APBA1: variants seen among roughly 807,000 people sequenced by gnomAD.
APBA1 encodes the protein amyloid-beta A4 precursor protein-binding family A member 1.
APBA1 carries 55 observed loss-of-function variants against 86.6 expected under a neutral mutation model. The observed-to-expected ratio is 0.64, with a 90% CI of 0.51 to 0.80. The LOEUF is 0.80. APBA1 is among the 30% of genes least tolerant of loss of function. APBA1 has a pLI of 0.00. For missense variants in APBA1, 1,090 were observed against 1,183.0 expected, an observed-to-expected ratio of 0.92 and a Z score of 1.15; for synonymous variants, 511 against 493.9, an observed-to-expected ratio of 1.03 and a Z score of -0.46.
rs544095083 is a variant in APBA1, at chr9:69,611,112, C to T, written c.-70+61041G>A. On this transcript the variant is annotated intron_variant, in intron 1 of 12. Transcript: ENST00000265381. Reference sequence around the variant, plus strand: ...TTAATGGCTTTACAAATCACAACAGCTTCATGGCAACCAACAATGTAGACA... The same window carrying T: ...TTAATGGCTTTACAAATCACAACAGTTTCATGGCAACCAACAATGTAGACA... Among the ~76,000 whole-genome samples the T allele has an allele frequency of 1.9e-3, 291 of 151,922 alleles. 1 individual carries two copies. The highest frequency in any genetic ancestry group is 6.4e-3 in the African/African-American group (264 of 41,476).
At position 69,440,984 on chromosome 9, in the gene APBA1, T is replaced by C. The variant is rs753049587; in HGVS notation, c.2301+12A>G. ...ACATTGTGGAAAAGGGTGTGGAAGGTGTTCTACTTACAATTCCATTCTGGA... is the reference window on the plus strand; with the variant it reads ...ACATTGTGGAAAAGGGTGTGGAAGGCGTTCTACTTACAATTCCATTCTGGA... On this transcript the variant is annotated intron_variant, in intron 11 of 12. Coordinates refer to ENST00000265381, the MANE Select transcript of APBA1 (RefSeq NM_001163.4). 1 of 1,611,790 alleles carries C rather than the reference T, an allele frequency of 6.2e-7. No homozygotes were observed. The highest frequency in any genetic ancestry group is 1.1e-5 in the South Asian group (1 of 90,628).
chr9:69,654,093 C>T (rs936458906), intron 1 of APBA1, among the ~76,000 whole-genome samples: 4 of 118,740 alleles, frequency 3.4e-5, no homozygotes, highest in Non-Finnish European at 4.8e-5. Flanking sequence ...GCCTCGGCAA[C>T]GAGAGCGAAA....
intron 2 of APBA1, among the ~76,000 whole-genome samples, chr9:69,502,793 C>G (rs2133873659): frequency 6.6e-6 from 1 of 152,222 alleles, no homozygotes; most frequent in African/African-American, 2.4e-5. Context: ...CCTCAGCAAG[C>G]ATCACTCCCA....
chr9:69,552,285 A>T (rs1243693218), intron 1 of APBA1, among the ~76,000 whole-genome samples: 3 of 152,220 alleles, frequency 2.0e-5, no homozygotes, highest in African/African-American at 7.2e-5. Context: ...TATGTCCTCC[A>T]CCTTGCTTGA....
intron 1 of APBA1, among the ~76,000 whole-genome samples, chr9:69,598,600 G>A (rs761483696): frequency 3.6e-4 from 54 of 152,104 alleles, no homozygotes; most frequent in Non-Finnish European, 5.9e-4. Context: ...TCTCCTCTAG[G>A]TCCCTGCATC....
At position 69,431,160 on chromosome 9, in the gene APBA1, A is replaced by G; in HGVS notation, c.*167T>C. 4.0e-6 allele frequency: 2 copies of G among 502,052 alleles called. No individual in the cohort carries two copies. Among genetic ancestry groups the G allele is most frequent in the Middle Eastern group, 3.1e-4 (1 of 3,238 alleles). 31.1% of individuals were successfully genotyped at this position (502,052 alleles called of 1,614,324 possible). A position where few individuals can be genotyped will look rare whatever the true frequency, so the allele number is the denominator to read the frequency against. ...GGTATTGAAAAAAAAAAAAAAAAAA[A>G]AGCAAATCGGAGAGAGTAAAGAGGT... On this transcript the variant is annotated 3_prime_UTR_variant, in exon 13 of 13. Transcript: ENST00000265381.
At chr9:69,493,984 T>C (rs1486966671) in intron 2 of APBA1, among the ~76,000 whole-genome samples, 1 of 152,116 alleles carries the variant, frequency 6.6e-6, no homozygotes, top group African/African-American at 2.4e-5. Context: ...GATAAGTTTT[T>C]TTTTCTTGCC....
intron 2 of APBA1, among the ~76,000 whole-genome samples, chr9:69,477,025 A>T (rs1835459988): frequency 6.6e-6 from 1 of 152,210 alleles, no homozygotes; most frequent in Non-Finnish European, 1.5e-5. Flanking sequence ...ATAGCCAAAC[A>T]TTGTTGTGTG....
chr9:69,672,491 C>A (rs1196982349), upstream of APBA1, among the ~76,000 whole-genome samples: 2 of 147,676 alleles, frequency 1.4e-5, no homozygotes, highest in Non-Finnish European at 3.0e-5. Context: ...CGCGCGCGCA[C>A]GCCGCCTGCT....
At chr9:69,528,879 A>T (rs1836382584) in intron 1 of APBA1, among the ~76,000 whole-genome samples, 1 of 152,110 alleles carries the variant, frequency 6.6e-6, no homozygotes, top group Admixed American at 6.6e-5. Context: ...AAACAGTGAT[A>T]TCAGGCAAAT....
chr9:69,573,914 C>T (rs1403866168), intron 1 of APBA1, among the ~76,000 whole-genome samples: 1 of 152,216 alleles, frequency 6.6e-6, no homozygotes, highest in Non-Finnish European at 1.5e-5. Flanking sequence ...GATATCATTA[C>T]ATTCCTGTTC....
At chr9:69,658,153 A>G (rs937585714) in intron 1 of APBA1, among the ~76,000 whole-genome samples, 5 of 152,096 alleles carry the variant, frequency 3.3e-5, no homozygotes, top group African/African-American at 1.2e-4. Context: ...GGAACAACCT[A>G]ATAGCTCCCT....
intron 2 of APBA1, among the ~76,000 whole-genome samples, chr9:69,492,472 T>C (rs1835730026): frequency 6.6e-6 from 1 of 151,988 alleles, no homozygotes; most frequent in Non-Finnish European, 1.5e-5. Context: ...TATTCACGGG[T>C]AAAATTGAAA....
intron 2 of APBA1, among the ~76,000 whole-genome samples, chr9:69,509,926 T>A (rs1281904181): frequency 1.8e-5 from 2 of 111,126 alleles, no homozygotes; most frequent in East Asian, 2.9e-4. Context: ...TATTTCAAAA[T>A]AATAAGAGCT....
intron 1 of APBA1, among the ~76,000 whole-genome samples, chr9:69,543,208 T>A (rs1388849250): frequency 1.3e-5 from 2 of 152,090 alleles, no homozygotes; most frequent in African/African-American, 2.4e-5. Flanking sequence ...CCCTGGCAGT[T>A]CTTTGAGCCT....
chr9:69,522,052 TACTC>T lies in APBA1; in HGVS notation c.-69-4777_-69-4774del, dbSNP rs563565014. 7.4e-3 allele frequency among the ~76,000 whole-genome samples: 1,102 copies of T among 148,342 alleles called. 9 individuals carry two copies. Among genetic ancestry groups the T allele is most frequent in the African/African-American group, 0.025 (1,022 of 40,248 alleles). On this transcript the variant is annotated intron_variant, in intron 1 of 12. Transcript: ENST00000265381. The stretch of plus-strand genomic sequence containing the variant: ...TCCCTTTCTCTCTCCGTCTCACACA[TACTC>T]ACACCATTTTATACACACACACACA...
chr9:69,482,309 A>G (rs1835525678), intron 2 of APBA1, among the ~76,000 whole-genome samples: 2 of 152,076 alleles, frequency 1.3e-5, no homozygotes, highest in South Asian at 2.1e-4. Flanking sequence ...AAAAGTGGGC[A>G]AAGGACATGA....
chr9:69,616,017 T>C (rs888593127), intron 1 of APBA1, among the ~76,000 whole-genome samples: 5 of 152,108 alleles, frequency 3.3e-5, no homozygotes, highest in African/African-American at 7.2e-5. Flanking sequence ...TGAGACTCTT[T>C]CCCCCCTTAA....
chr9:69,666,879 A>G (rs1457449947), intron 1 of APBA1, among the ~76,000 whole-genome samples: 1 of 152,252 alleles, frequency 6.6e-6, no homozygotes, highest in Non-Finnish European at 1.5e-5. Flanking sequence ...CCTGAAATTT[A>G]AAATTTTAGA....
Sources: allele counts gnomAD v4.1 joint callset (sites outside exome capture counted in the v4.1 genomes callset), GRCh38; gene constraint gnomAD v4.1.1; transcripts MANE v1.5; gene names NCBI Gene and HGNC (gene_info 2026-07-23, HGNC 2026-07-21).